ENTREP2: variants seen among roughly 807,000 people sequenced by gnomAD.
ENTREP2 encodes the protein protein ENTREP2.
At chr15:29,551,689 T>C in the ENTREP2 span, among the ~76,000 whole-genome samples, 7 of 126,432 alleles carry the variant, frequency 5.5e-5, no homozygotes, top group African/African-American at 1.6e-4. Flanking sequence ...ATCAAATGCC[T>C]ATTTAAAAAA....
chr15:29,594,039 A>C, the ENTREP2 span, among the ~76,000 whole-genome samples: 1 of 152,184 alleles, frequency 6.6e-6, no homozygotes, highest in African/African-American at 2.4e-5. Flanking sequence ...AAGGGTACAG[A>C]GGACCTTCCT....
At chr15:29,530,277 T>C in the ENTREP2 span, among the ~76,000 whole-genome samples, 134 of 152,284 alleles carry the variant, frequency 8.8e-4, 2 homozygotes, top group South Asian at 0.027. Context: ...TCTCTGGGAA[T>C]CTGTGCGGGT....
At chr15:29,432,367 C>G in the ENTREP2 span, among the ~76,000 whole-genome samples, 1 of 152,202 alleles carries the variant, frequency 6.6e-6, no homozygotes, top group African/African-American at 2.4e-5. Flanking sequence ...TGGGTCTGTA[C>G]TGCCTAGGAG....
the ENTREP2 span, among the ~76,000 whole-genome samples, chr15:29,536,326 T>C: frequency 4.6e-5 from 7 of 152,178 alleles, no homozygotes; most frequent in Non-Finnish European, 7.3e-5. Flanking sequence ...TAAATTAAGA[T>C]ACTCTTACCA....
the ENTREP2 span, among the ~76,000 whole-genome samples, chr15:29,453,059 CT>C: frequency 1.1e-4 from 17 of 152,160 alleles, no homozygotes; most frequent in African/African-American, 4.1e-4. Context: ...CTAAAATCAC[CT>C]CGAGGCAACT....
the ENTREP2 span, among the ~76,000 whole-genome samples, chr15:29,232,996 A>C: frequency 6.6e-6 from 1 of 152,358 alleles, no homozygotes; most frequent in Admixed American, 6.5e-5. Context: ...TCCTATCTCC[A>C]ACCTTTTCAG....
the ENTREP2 span, among the ~76,000 whole-genome samples, chr15:29,627,280 C>G: frequency 6.6e-6 from 1 of 152,102 alleles, no homozygotes; most frequent in Non-Finnish European, 1.5e-5. Context: ...CGTGGTGGCT[C>G]ACGCCTGTAA....
the ENTREP2 span, among the ~76,000 whole-genome samples, chr15:29,188,844 TC>T: frequency 3.3e-5 from 5 of 152,296 alleles, no homozygotes; most frequent in Non-Finnish European, 7.3e-5. Flanking sequence ...TAAAAATCGA[TC>T]CTGCCTACAT....
the ENTREP2 span, among the ~76,000 whole-genome samples, chr15:29,284,612 C>A: frequency 6.5e-4 from 98 of 151,674 alleles, no homozygotes; most frequent in East Asian, 0.018. Context: ...CATTTCTCAC[C>A]TGCAATCATG....
chr15:29,136,664 G>GTTTT, the ENTREP2 span, among the ~76,000 whole-genome samples: 2 of 134,766 alleles, frequency 1.5e-5, no homozygotes, highest in African/African-American at 5.4e-5. Context: ...TTGCACTTTT[G>GTTTT]TTTTTTTTTT....
At chr15:29,504,111 A>T in the ENTREP2 span, among the ~76,000 whole-genome samples, 1 of 152,310 alleles carries the variant, frequency 6.6e-6, no homozygotes, top group Middle Eastern at 3.4e-3. Flanking sequence ...AAACAATTTG[A>T]AGAGCAGTTT....
the ENTREP2 span, among the ~76,000 whole-genome samples, chr15:29,194,050 T>C: frequency 6.6e-6 from 1 of 152,188 alleles, no homozygotes; most frequent in Non-Finnish European, 1.5e-5. Flanking sequence ...CAAAGTGACA[T>C]GTGGACTCCA....
the ENTREP2 span, among the ~76,000 whole-genome samples, chr15:29,603,044 G>A: frequency 2.0e-5 from 3 of 152,206 alleles, no homozygotes; most frequent in Non-Finnish European, 2.9e-5. Context: ...GCCCAATGAC[G>A]AAAGGGGAAG....
At chr15:29,118,547 C>G in the ENTREP2 span, among the ~76,000 whole-genome samples, 3 of 152,240 alleles carry the variant, frequency 2.0e-5, no homozygotes, top group African/African-American at 7.2e-5. Context: ...GCCAGCAATG[C>G]TACCAGGTCA....
At chr15:29,465,176 T>A in the ENTREP2 span, among the ~76,000 whole-genome samples, 82 of 151,962 alleles carry the variant, frequency 5.4e-4, no homozygotes, top group South Asian at 0.017. Flanking sequence ...AGTGACAAGA[T>A]GCCCAGAAGC....
chr15:29,475,499 T>C, the ENTREP2 span, among the ~76,000 whole-genome samples: 1 of 151,958 alleles, frequency 6.6e-6, no homozygotes, highest in African/African-American at 2.4e-5. Flanking sequence ...AACTTGGCGG[T>C]GGCCCGAAGC....
the ENTREP2 span, chr15:29,381,656 T>G: frequency 3.9e-5 from 31 of 788,814 alleles, no homozygotes; most frequent in African/African-American, 4.7e-4. Context: ...TTTATCAAGC[T>G]CTGCTTCCCG....
the ENTREP2 span, among the ~76,000 whole-genome samples, chr15:29,227,695 T>C: frequency 6.6e-6 from 1 of 152,162 alleles, no homozygotes; most frequent in Non-Finnish European, 1.5e-5. Context: ...AGGGGCTGAA[T>C]ACCTTCTGGA....
At chr15:29,232,343 T>A in the ENTREP2 span, among the ~76,000 whole-genome samples, 2 of 152,250 alleles carry the variant, frequency 1.3e-5, no homozygotes, top group Non-Finnish European at 2.9e-5. Flanking sequence ...TGCGTTACTA[T>A]TGACATATGA....
Sources: gnomAD v4.1 joint callset for allele counts (sites outside exome capture counted in the v4.1 genomes callset) on GRCh38, gnomAD v4.1.1 for gene constraint, MANE v1.5 for transcripts, NCBI Gene and HGNC (gene_info 2026-07-23, HGNC 2026-07-21) for gene names.